Variants in DLGAP2 observed in about 807,000 individuals in gnomAD.
DLGAP2 encodes the protein DLG associated protein 2, also known as disks large-associated protein 2.
In DLGAP2, 26 loss-of-function variants were observed where a neutral mutation model predicts 100.3. The observed-to-expected ratio is 0.26, with a 90% CI of 0.19 to 0.36. The LOEUF is 0.36. Ranked by LOEUF, DLGAP2 falls within the 10% of genes least tolerant of loss-of-function variation. DLGAP2 has a pLI of 1.00. For synonymous variants in DLGAP2, 886 were observed against 630.1 expected, an observed-to-expected ratio of 1.41 and a Z score of -6.08; for missense variants, 1,858 against 1,453.2, an observed-to-expected ratio of 1.28 and a Z score of -4.53.
intron 1 of DLGAP2, among the ~76,000 whole-genome samples, chr8:815,518 G>A (rs965996911): frequency 6.6e-6 from 1 of 152,196 alleles, no homozygotes; most frequent in Admixed American, 6.5e-5. Context: ...TGTATCACCT[G>A]CTAAGCGGAA....
chr8:930,940 G>A (rs1485761837), intron 2 of DLGAP2, among the ~76,000 whole-genome samples: 1 of 152,228 alleles, frequency 6.6e-6, no homozygotes, highest in Admixed American at 6.5e-5. Context: ...AGTGGGGAGG[G>A]AGGCAGGGGA....
At chr8:1,236,904 T>G (rs62487779) in intron 2 of DLGAP2, among the ~76,000 whole-genome samples, 6 of 113,406 alleles carry the variant, frequency 5.3e-5, no homozygotes, top group Admixed American at 4.2e-4. Flanking sequence ...GGCGCCATGT[T>G]TAGTTCTCTC....
At chr8:1,365,821 G>A (rs1314774741) in intron 3 of DLGAP2, among the ~76,000 whole-genome samples, 1 of 152,242 alleles carries the variant, frequency 6.6e-6, no homozygotes, top group Non-Finnish European at 1.5e-5. Flanking sequence ...TCATGTCGGG[G>A]CCCTGGGGGG....
chr8:1,690,063 G>A (rs927280231), intron 12 of DLGAP2, among the ~76,000 whole-genome samples: 4 of 152,184 alleles, frequency 2.6e-5, no homozygotes, highest in Admixed American at 2.6e-4. Context: ...GCAGACTCAA[G>A]AGAGGGTGTG....
At chr8:1,068,066 C>T (rs1316058361) in intron 2 of DLGAP2, among the ~76,000 whole-genome samples, 2 of 152,172 alleles carry the variant, frequency 1.3e-5, no homozygotes, top group Non-Finnish European at 2.9e-5. Context: ...AGTGCACAGC[C>T]TTTTCAAATG....
chr8:1,094,463 G>C (rs1183696265), intron 2 of DLGAP2, among the ~76,000 whole-genome samples: 1 of 152,092 alleles, frequency 6.6e-6, no homozygotes, highest in East Asian at 1.9e-4. Context: ...TGTTTTTCTG[G>C]GTGAAGAAAA....
intron 4 of DLGAP2, among the ~76,000 whole-genome samples, chr8:1,533,844 C>T (rs1475946659): frequency 6.6e-6 from 1 of 152,174 alleles, no homozygotes. Flanking sequence ...GTTGTCCCAG[C>T]TCCTCAGGAG....
chr8:743,818 G>A (rs1007916671), intron 1 of DLGAP2, among the ~76,000 whole-genome samples: 2 of 152,214 alleles, frequency 1.3e-5, no homozygotes, highest in African/African-American at 2.4e-5. Flanking sequence ...GCCTACCCCA[G>A]CCTCCCAAAA....
intron 2 of DLGAP2, among the ~76,000 whole-genome samples, chr8:1,047,630 C>T (rs984919013): frequency 6.6e-5 from 10 of 151,974 alleles, no homozygotes; most frequent in Non-Finnish European, 1.2e-4. Context: ...GGTCAGTGTC[C>T]AGCGACAGCC....
intron 2 of DLGAP2, among the ~76,000 whole-genome samples, chr8:951,497 C>A (rs188999644): frequency 2.0e-5 from 3 of 152,124 alleles, no homozygotes. Context: ...GTGATCTGCC[C>A]GTCTTGGCCT....
intron 4 of DLGAP2, among the ~76,000 whole-genome samples, chr8:1,517,258 G>T (rs955672616): frequency 6.6e-6 from 1 of 152,184 alleles, no homozygotes. Context: ...CAAGCCCTCT[G>T]TGGGGTCAGG....
intron 3 of DLGAP2, among the ~76,000 whole-genome samples, chr8:1,498,835 C>T (rs943147736): frequency 3.9e-5 from 6 of 152,124 alleles, no homozygotes; most frequent in African/African-American, 1.4e-4. Flanking sequence ...AAATACAAAG[C>T]CTCGTTAGAT....
At chr8:1,252,599 A>G (rs565336551) in intron 2 of DLGAP2, among the ~76,000 whole-genome samples, 140 of 152,394 alleles carry the variant, frequency 9.2e-4, no homozygotes, top group Non-Finnish European at 1.7e-3. Context: ...TGTTACATCA[A>G]TTGCTTGCAT....
intron 2 of DLGAP2, among the ~76,000 whole-genome samples, chr8:978,880 C>T (rs781626775): frequency 2.6e-5 from 4 of 152,168 alleles, no homozygotes; most frequent in Non-Finnish European, 5.9e-5. Flanking sequence ...CCCAAATACT[C>T]ATAGCCAAAA....
intron 1 of DLGAP2, among the ~76,000 whole-genome samples, chr8:805,764 G>T (rs1486922074): frequency 6.6e-6 from 1 of 152,152 alleles, no homozygotes; most frequent in East Asian, 1.9e-4. Flanking sequence ...GCAGTCCGCC[G>T]GCCTTGGCCT....
rs143796073 is a variant in DLGAP2 at position 1,373,076 on chromosome 8, C to T, written c.106+114193C>T. Among the ~76,000 whole-genome samples the T allele has an allele frequency of 3.5e-3, 533 of 152,296 alleles. 2 individuals are homozygous for T. Among genetic ancestry groups the T allele is most frequent in the African/African-American group, 0.012 (502 of 41,574 alleles). On this transcript the variant is annotated intron_variant, in intron 3 of 14. Coordinates refer to ENST00000637795, the MANE Select transcript of DLGAP2 (RefSeq NM_001346810.2). ...TGTTTCTTCTGGAGTGCGGAGGCTT[C>T]GCTGGTGAGTGATGACCCCGAGACC...
At chr8:834,073 C>T (rs1796828941) in intron 1 of DLGAP2, among the ~76,000 whole-genome samples, 2 of 152,160 alleles carry the variant, frequency 1.3e-5, no homozygotes, top group Admixed American at 6.5e-5. Flanking sequence ...TTAGGGGAAG[C>T]AGAAACCAGG....
intron 2 of DLGAP2, among the ~76,000 whole-genome samples, chr8:1,230,370 A>C (rs1297367812): frequency 3.9e-5 from 6 of 152,214 alleles, no homozygotes; most frequent in Non-Finnish European, 8.8e-5. Context: ...AGATGGCACA[A>C]GCAACCAAAA....
At chr8:1,127,962 A>G (rs554907859) in intron 2 of DLGAP2, among the ~76,000 whole-genome samples, 2 of 152,330 alleles carry the variant, frequency 1.3e-5, no homozygotes, top group Admixed American at 1.3e-4. Context: ...ATAGATTCTC[A>G]TTTTCCCAAT....
Sources: gnomAD v4.1 joint callset for allele counts (sites outside exome capture counted in the v4.1 genomes callset) on GRCh38, gnomAD v4.1.1 for gene constraint, MANE v1.5 for transcripts, NCBI Gene and HGNC (gene_info 2026-07-23, HGNC 2026-07-21) for gene names.